The following ACER3 variants were observed in gnomAD, a reference collection of about 807,000 sequenced individuals.
ACER3 encodes the protein alkCDase 3.
ACER3 carries 16 observed loss-of-function variants against 48.9 expected under a neutral mutation model. The ratio of observed to expected loss-of-function variants is 0.33; its 90% CI spans 0.22 to 0.50. The LOEUF (loss-of-function observed/expected upper bound fraction) is 0.50, where lower values mean the gene tolerates loss of function less well. Ranked by LOEUF, ACER3 falls within the 20% of genes least tolerant of loss-of-function variation. ACER3 has a pLI of 0.98. For synonymous variants in ACER3, 109 were observed against 107.8 expected (o/e 1.01, Z -0.07); for missense variants, 227 against 326.0 (o/e 0.70, Z 2.34).
intron 3 of ACER3, among the ~76,000 whole-genome samples, chr11:76,968,021 A>C (rs1948185010): frequency 6.6e-6 from 1 of 152,244 alleles, no homozygotes; most frequent in Non-Finnish European, 1.5e-5. Flanking sequence ...TGCAGATGAC[A>C]TGATTGTATA....
At chr11:77,005,978 T>TGTA (rs1949129183) in intron 7 of ACER3, among the ~76,000 whole-genome samples, 1 of 44,846 alleles carries the variant, frequency 2.2e-5, no homozygotes. Context: ...TATACATATA[T>TGTA]ATATATATAT....
At chr11:77,008,667 G>A (rs1949203312) in intron 7 of ACER3, among the ~76,000 whole-genome samples, 1 of 152,136 alleles carries the variant, frequency 6.6e-6, no homozygotes. Flanking sequence ...TTTGTCTGAT[G>A]AAACATCTGA....
At chr11:76,883,697 G>A (rs571630925) in intron 1 of ACER3, among the ~76,000 whole-genome samples, 57 of 151,986 alleles carry the variant, frequency 3.8e-4, no homozygotes, top group African/African-American at 1.3e-3. Context: ...CACCCACCTC[G>A]GCCCCAAAGT....
chr11:76,993,869 A>G (rs1948856689), intron 6 of ACER3, among the ~76,000 whole-genome samples: 1 of 152,222 alleles, frequency 6.6e-6, no homozygotes, highest in Non-Finnish European at 1.5e-5. Flanking sequence ...CTCAGGCGAT[A>G]ATGCTCACTT....
At chr11:76,908,583 C>T (rs542252505) in intron 1 of ACER3, among the ~76,000 whole-genome samples, 1 of 152,150 alleles carries the variant, frequency 6.6e-6, no homozygotes, top group African/African-American at 2.4e-5. Flanking sequence ...AACCACTGCT[C>T]AAGGAAATAA....
Position 76,987,088 on chromosome 11 carries a change from A to G in ACER3, c.402+1364A>G, listed in dbSNP as rs147201881. On this transcript the variant is annotated intron_variant, in intron 5 of 10. Transcript: ENST00000532485. ...CTCAAAAAGAAAAAAAAGAAAAGAAAAAGGTAGTGTGGAGCCAATAACTGG... is the reference window on the plus strand; with the variant it reads ...CTCAAAAAGAAAAAAAAGAAAAGAAGAAGGTAGTGTGGAGCCAATAACTGG... 4.5e-3 allele frequency among the ~76,000 whole-genome samples: 691 copies of G among 152,274 alleles called. 1 individual carries two copies. The highest frequency in any genetic ancestry group is 7.9e-3 in the Non-Finnish European group (539 of 68,008).
chr11:76,934,104 G>A (rs950741518), intron 2 of ACER3, among the ~76,000 whole-genome samples: 3 of 151,914 alleles, frequency 2.0e-5, no homozygotes, highest in African/African-American at 7.3e-5. Flanking sequence ...GCCAGGAAGA[G>A]GCACTCCTCA....
At chr11:76,914,909 A>T (rs1421292556) in intron 1 of ACER3, among the ~76,000 whole-genome samples, 3 of 152,200 alleles carry the variant, frequency 2.0e-5, no homozygotes, top group Non-Finnish European at 4.4e-5. Context: ...GACATGGATG[A>T]AGCTGGAAAC....
chr11:76,984,566 C>T (rs937365408), intron 4 of ACER3, among the ~76,000 whole-genome samples: 2 of 152,172 alleles, frequency 1.3e-5, no homozygotes, highest in Non-Finnish European at 2.9e-5. Context: ...GGATTGGATA[C>T]TCACTGATGG....
At chr11:77,009,996 A>G (rs1275942445) in intron 7 of ACER3, among the ~76,000 whole-genome samples, 1 of 152,104 alleles carries the variant, frequency 6.6e-6, no homozygotes, top group African/African-American at 2.4e-5. Flanking sequence ...AGCCAGGACC[A>G]TTAAAGAGGT....
intron 1 of ACER3, among the ~76,000 whole-genome samples, chr11:76,876,819 T>G (rs1945395426): frequency 6.6e-6 from 1 of 152,214 alleles, no homozygotes; most frequent in Non-Finnish European, 1.5e-5. Flanking sequence ...CATTTCAGTC[T>G]TGCCAAAACA....
In ACER3 at chr11:76,980,477, G is replaced by A. The variant is rs371737420; in HGVS notation, c.320+4136G>A. On this transcript the variant is annotated intron_variant, in intron 4 of 10. Coordinates refer to ENST00000532485, the MANE Select transcript of ACER3 (RefSeq NM_018367.7). ...GTATTACTTGAGCCCAGGAGTTCAAGACCAGCCTGGGCAGTATAGTGAGAC... is the reference window on the plus strand; with the variant it reads ...GTATTACTTGAGCCCAGGAGTTCAAAACCAGCCTGGGCAGTATAGTGAGAC... 5.3e-5 allele frequency among the ~76,000 whole-genome samples: 8 copies of A among 152,150 alleles called. No homozygotes were observed. The East Asian group carries it at 1.4e-3, about 26-fold the overall frequency.
intron 2 of ACER3, among the ~76,000 whole-genome samples, chr11:76,958,063 T>C (rs1947888391): frequency 6.6e-6 from 1 of 151,992 alleles, no homozygotes; most frequent in East Asian, 1.9e-4. Context: ...CCCAAAGTGC[T>C]GGGATTACAA....
At chr11:76,920,168 T>C (rs547888946) in intron 1 of ACER3, among the ~76,000 whole-genome samples, 9 of 152,320 alleles carry the variant, frequency 5.9e-5, no homozygotes, top group African/African-American at 2.2e-4. Flanking sequence ...CCTACAGTGC[T>C]GAGGCTTCCC....
chr11:76,955,607 GC>G (rs1947819116), intron 2 of ACER3: 1 of 152,216 alleles, frequency 6.6e-6, no homozygotes. Context: ...GAAGAAGCAA[GC>G]TTCAGTGTCT....
chr11:76,964,804 C>T (rs1172817850), intron 3 of ACER3, among the ~76,000 whole-genome samples: 1 of 151,226 alleles, frequency 6.6e-6, no homozygotes, highest in Non-Finnish European at 1.5e-5. Context: ...ACACCAAAAA[C>T]CCATCTGTAC....
At chr11:77,012,493 T>C (rs1949290147) in intron 7 of ACER3, among the ~76,000 whole-genome samples, 2 of 147,680 alleles carry the variant, frequency 1.4e-5, no homozygotes, top group African/African-American at 5.0e-5. Flanking sequence ...TTCTAGTCCA[T>C]ATTCAAAATC....
intron 1 of ACER3, among the ~76,000 whole-genome samples, chr11:76,910,921 T>TAA (rs2134721825): frequency 6.6e-6 from 1 of 152,260 alleles, no homozygotes; most frequent in African/African-American, 2.4e-5. Context: ...TTTTCAAAGA[T>TAA]TATTAAGTTA....
At chr11:76,938,969 C>A (rs77909212) in intron 2 of ACER3, among the ~76,000 whole-genome samples, 4 of 22,038 alleles carry the variant, frequency 1.8e-4, no homozygotes, top group Admixed American at 2.4e-4. Context: ...TAAGAAAGTG[C>A]TAAAAAAAAT....
Sources: gnomAD v4.1 joint callset for allele counts (sites outside exome capture counted in the v4.1 genomes callset) on GRCh38, gnomAD v4.1.1 for gene constraint, MANE v1.5 for transcripts, NCBI Gene and HGNC (gene_info 2026-07-23, HGNC 2026-07-21) for gene names.